FRMPD2: variants seen among roughly 807,000 people sequenced by gnomAD.
The protein encoded by FRMPD2 is FERM and PDZ domain containing 2.
Under a neutral mutation model 140.1 loss-of-function variants are expected in FRMPD2, and 96 were observed. That is an observed-to-expected ratio of 0.69 (90% CI 0.58 to 0.81). The LOEUF (loss-of-function observed/expected upper bound fraction) is 0.81, where lower values mean the gene tolerates loss of function less well. Ranked by LOEUF, FRMPD2 falls within the 40% of genes least tolerant of loss-of-function variation. FRMPD2 has a pLI of 0.00. For missense variants in FRMPD2, 1,240 were observed against 1,447.4 expected, an observed-to-expected ratio of 0.86 and a Z score of 2.32; for synonymous variants, 449 against 547.6, an observed-to-expected ratio of 0.82 and a Z score of 2.52.
intron 22 of FRMPD2, among the ~76,000 whole-genome samples, chr10:48,177,081 T>C (rs1838428706): frequency 6.6e-6 from 1 of 151,548 alleles, no homozygotes; most frequent in African/African-American, 2.4e-5. Context: ...TCCAGACCCA[T>C]TCCAGGGTCT....
At chr10:48,199,587 T>C (rs1454871723) in intron 15 of FRMPD2, 1 of 152,234 alleles carries the variant, frequency 6.6e-6, no homozygotes, top group Non-Finnish European at 1.5e-5. Context: ...CTAGATTATG[T>C]GTATTGCAGA....
intron 13 of FRMPD2, 87 bp downstream of exon 13, chr10:48,211,867 C>T: frequency 7.4e-7 from 1 of 1,355,350 alleles, no homozygotes; most frequent in Non-Finnish European, 1.0e-6. Flanking sequence ...CTGCACACAC[C>T]TGGGCCCCTT....
intron 11 of FRMPD2, 93 bp downstream of exon 11, chr10:48,223,030 G>T: frequency 8.7e-7 from 1 of 1,149,064 alleles, no homozygotes; most frequent in Non-Finnish European, 1.2e-6. Flanking sequence ...GTAATTTACA[G>T]TTTGCAAAGC....
intron 3 of FRMPD2, among the ~76,000 whole-genome samples, chr10:48,246,185 G>T (rs1213198367): frequency 6.6e-6 from 1 of 152,164 alleles, no homozygotes; most frequent in South Asian, 2.1e-4. Context: ...AGAACCAATT[G>T]CAGTGACTGC....
chr10:48,232,188 T>G lies in FRMPD2; in HGVS notation c.1095A>C (p.Gly365=), dbSNP rs757448543. Residue 365 remains glycine, a synonymous_variant, in exon 10 of 29, where the codon GGA becomes GGC. Coordinates refer to ENST00000374201, the MANE Select transcript of FRMPD2 (RefSeq NM_001018071.4). ...AGGATGTCACGGCATTGAAGACAGC[T>G]CCCACTGTTGATTCAACATCACATT... is the stretch of plus-strand genomic sequence containing the variant. The part of the protein sequence containing the change: ...EVKCDVESTV[G]AVFNAVTSFA... 2.5e-6 allele frequency: 4 copies of G among 1,614,026 alleles called. No individual in the cohort carries two copies. The Admixed American group carries it at 6.7e-5, about 27-fold the overall frequency.
chr10:48,162,131 A>G (rs1247913868), intron 28 of FRMPD2, among the ~76,000 whole-genome samples: 1 of 149,438 alleles, frequency 6.7e-6, no homozygotes, highest in South Asian at 2.1e-4. Flanking sequence ...TATTTTATCA[A>G]GTATGTCAAT....
intron 1 of FRMPD2, among the ~76,000 whole-genome samples, chr10:48,257,781 C>T (rs372215310): frequency 3.3e-5 from 5 of 152,116 alleles, no homozygotes; most frequent in African/African-American, 7.2e-5. Flanking sequence ...ACAGCAGCAG[C>T]GACCTCATGG....
At chr10:48,159,388 G>A (rs1253635161) in intron 28 of FRMPD2, 2 of 409,314 alleles carry the variant, frequency 4.9e-6, no homozygotes, top group Non-Finnish European at 9.7e-6. Flanking sequence ...AGCCCTGGGA[G>A]CCTGTAAGGT....
chr10:48,267,500 G>A (rs1054575345), intron 1 of FRMPD2, among the ~76,000 whole-genome samples: 4 of 152,118 alleles, frequency 2.6e-5, no homozygotes, highest in African/African-American at 2.4e-5. Flanking sequence ...CTGTATCAAA[G>A]GGCATTATCA....
chr10:48,223,085 T>A (rs768960661), intron 11 of FRMPD2, 38 bp downstream of exon 11: 12 of 1,578,336 alleles, frequency 7.6e-6, no homozygotes, highest in South Asian at 6.9e-5. Flanking sequence ...CATACATAAA[T>A]CCCTTAAGGA....
At chr10:48,222,592 G>A in intron 11 of FRMPD2, 141 bp from the exon 12 acceptor site, 1 of 863,184 alleles carries the variant, frequency 1.2e-6, no homozygotes, top group Non-Finnish European at 1.8e-6. Context: ...GGCAATGCCA[G>A]CAAGACAAGT....
chr10:48,272,323 C>G (rs762821671), intron 1 of FRMPD2, among the ~76,000 whole-genome samples: 3 of 152,108 alleles, frequency 2.0e-5, no homozygotes, highest in Non-Finnish European at 4.4e-5. Flanking sequence ...CCTGTGAGAG[C>G]CAATTGTTAA....
At chr10:48,169,161 A>G (rs1351927043) in intron 26 of FRMPD2, among the ~76,000 whole-genome samples, 1 of 152,000 alleles carries the variant, frequency 6.6e-6, no homozygotes, top group East Asian at 1.9e-4. Context: ...TTGGGCCAGC[A>G]ATTTTGCAGC....
rs1292780575 is a variant in FRMPD2 at position 48,200,195 on chromosome 10, AAT to A, written c.1954+1031_1954+1032del. On this transcript the variant is annotated intron_variant, in intron 15 of 28. Transcript: ENST00000374201. ...AAATAAATAAATAAATAAATAAATA[AAT>A]AAAACAGAGCCAAGCAACCATTTGC... Among the ~76,000 whole-genome samples, 32 of 149,558 alleles carry A rather than the reference AAT, an allele frequency of 2.1e-4. No individual in the cohort carries two copies. The East Asian group carries it at 3.3e-3, about 15-fold the overall frequency.
At chr10:48,227,427 A>T (rs1219973358) in intron 10 of FRMPD2, among the ~76,000 whole-genome samples, 1 of 152,222 alleles carries the variant, frequency 6.6e-6, no homozygotes, top group Non-Finnish European at 1.5e-5. Context: ...AGTCTGAAAC[A>T]TGAAGCATCT....
chr10:48,163,832 C>T (rs1332895468), intron 27 of FRMPD2, among the ~76,000 whole-genome samples, 161 bp from the exon 28 acceptor site: 9 of 151,044 alleles, frequency 6.0e-5, no homozygotes, highest in Non-Finnish European at 1.2e-4. Context: ...CACATGCTCC[C>T]GGCTGGACAC....
chr10:48,184,594 G>C lies in FRMPD2; in HGVS notation c.2556C>G (p.Asn852Lys). 6.2e-7 allele frequency: 1 copy of C among 1,611,240 alleles called. No homozygotes were observed. The highest frequency in any genetic ancestry group is 8.5e-7 in the Non-Finnish European group (1 of 1,177,412). Residue 852 changes from asparagine (N) to lysine (K), a missense_variant, in exon 20 of 29, where the codon AAC (asparagine) becomes AAG (lysine). Asn to Lys is a moderately conservative substitution (Grantham distance 94). Coordinates refer to ENST00000374201, the MANE Select transcript of FRMPD2 (RefSeq NM_001018071.4). Reference sequence around the variant, plus strand: ...TTGACTGAGAAATAATTAATTCTATGTTGTCAGGGGAATTCTGGATCATCC... The same window carrying C: ...TTGACTGAGAAATAATTAATTCTATCTTGTCAGGGGAATTCTGGATCATCC... The part of the protein sequence containing the change: ...AVRMIQNSPD[N>K]IELIISQSKG...
intron 16 of FRMPD2, 94 bp downstream of exon 16, chr10:48,192,589 TC>T: frequency 8.6e-7 from 1 of 1,157,342 alleles, no homozygotes; most frequent in Non-Finnish European, 1.2e-6. Context: ...AAACTCAGTC[TC>T]AAAAAAAAAA....
At chr10:48,174,417 C>T (rs536528309) in intron 24 of FRMPD2, among the ~76,000 whole-genome samples, 13 of 152,318 alleles carry the variant, frequency 8.5e-5, no homozygotes, top group East Asian at 3.9e-4. Flanking sequence ...CTCTGACCCA[C>T]GCCCTGGTGG....
Sources: gnomAD v4.1 joint callset for allele counts (sites outside exome capture counted in the v4.1 genomes callset) on GRCh38, gnomAD v4.1.1 for gene constraint, MANE v1.5 for transcripts, NCBI Gene and HGNC (gene_info 2026-07-23, HGNC 2026-07-21) for gene names.